The following CSMD1 variants were observed in gnomAD, a reference collection of about 807,000 sequenced individuals.
The protein encoded by CSMD1 is CUB and sushi domain-containing protein 1.
A neutral mutation model predicts 417.5 loss-of-function variants in CSMD1; 213 were observed. The ratio of observed to expected loss-of-function variants is 0.51; its 90% CI spans 0.46 to 0.57. CSMD1 has a LOEUF of 0.57. Among genes scored for constraint, CSMD1 ranks in the 20% least tolerant of loss-of-function variants. The probability of loss-of-function intolerance (pLI) is 0.00; values close to 1 mark genes in which losing one functional copy is unlikely to be tolerated. For missense variants in CSMD1, 6,923 were observed against 4,529.7 expected, an observed-to-expected ratio of 1.53 and a Z score of -15.17; for synonymous variants, 2,862 against 1,736.8, an observed-to-expected ratio of 1.65 and a Z score of -16.11.
Position 3,514,033 on chromosome 8 carries a change from A to C in CSMD1, c.1345-20307T>G, listed in dbSNP as rs1431361901. On this transcript the variant is annotated intron_variant, in intron 10 of 69. Coordinates refer to ENST00000635120, the MANE Select transcript of CSMD1 (RefSeq NM_033225.6). Reference sequence around the variant, plus strand: ...CGTACAGAAAAATAATTTTCTTATAATAGCACACAGTTCTCTTAGGAACAC... The same window carrying C: ...CGTACAGAAAAATAATTTTCTTATACTAGCACACAGTTCTCTTAGGAACAC... 3.9e-5 allele frequency among the ~76,000 whole-genome samples: 6 copies of C among 152,310 alleles called. No individual in the cohort carries two copies. The East Asian group carries it at 1.2e-3, about 29-fold the overall frequency.
At chr8:4,601,556 T>G (rs975426494) in intron 2 of CSMD1, among the ~76,000 whole-genome samples, 1 of 152,138 alleles carries the variant, frequency 6.6e-6, no homozygotes, top group African/African-American at 2.4e-5. Context: ...TGATAAAAGG[T>G]AGTATTAAGA....
chr8:3,774,213 T>G (rs1006655498), intron 5 of CSMD1, among the ~76,000 whole-genome samples: 5 of 152,298 alleles, frequency 3.3e-5, no homozygotes, highest in Admixed American at 2.0e-4. Flanking sequence ...AATTTTCTCT[T>G]ATCCAACAAC....
intron 2 of CSMD1, among the ~76,000 whole-genome samples, chr8:4,602,949 T>C (rs898030410): frequency 6.6e-6 from 1 of 151,950 alleles, no homozygotes; most frequent in Non-Finnish European, 1.5e-5. Context: ...ACTATAAAAA[T>C]AGATAAAAAA....
intron 41 of CSMD1, among the ~76,000 whole-genome samples, chr8:3,141,813 T>TC (rs1818502293): frequency 6.7e-6 from 1 of 149,836 alleles, no homozygotes; most frequent in Admixed American, 6.6e-5. Flanking sequence ...TTTTTTTTTT[T>TC]CTGAGATGGA....
intron 1 of CSMD1, among the ~76,000 whole-genome samples, chr8:4,927,417 C>T (rs1225023026): frequency 6.6e-6 from 1 of 152,078 alleles, no homozygotes; most frequent in Non-Finnish European, 1.5e-5. Flanking sequence ...CAGCAACTGT[C>T]AGTGAGGCAC....
chr8:3,926,082 TACACACACACACACACACAC>T lies in CSMD1; in HGVS notation c.818+71801_818+71820del, dbSNP rs58966907. Among the ~76,000 whole-genome samples, 282 of 103,998 alleles carry T rather than the reference TACACACACACACACACACAC, an allele frequency of 2.7e-3. 6 individuals carry two copies. Among genetic ancestry groups the T allele is most frequent in the African/African-American group, 8.4e-3 (239 of 28,344 alleles). The allele number at this position is 103,998 out of a possible 152,430, so 68.2% of individuals were successfully genotyped here. A position where few individuals can be genotyped will look rare whatever the true frequency, so the allele number is the denominator to read the frequency against. ...CACACACACACACACACAAACACCA[TACACACACACACACACACAC>T]ACACACACACACACACACACACACA... is the stretch of plus-strand genomic sequence containing the variant. On this transcript the variant is annotated intron_variant, in intron 5 of 69. Transcript: ENST00000635120.
intron 8 of CSMD1, among the ~76,000 whole-genome samples, chr8:3,590,443 G>C (rs1312927351): frequency 1.3e-5 from 2 of 152,074 alleles, no homozygotes; most frequent in African/African-American, 4.8e-5. Flanking sequence ...TTCCACCAAA[G>C]GAAAGTTTTC....
chr8:3,318,401 G>A (rs796231571), intron 23 of CSMD1, among the ~76,000 whole-genome samples: 57 of 152,288 alleles, frequency 3.7e-4, no homozygotes, highest in African/African-American at 1.3e-3. Flanking sequence ...TGAAGTGCCT[G>A]CTCGGCTTCA....
chr8:3,720,834 G>A (rs1314243511), intron 6 of CSMD1, among the ~76,000 whole-genome samples: 1 of 150,504 alleles, frequency 6.6e-6, no homozygotes, highest in African/African-American at 2.5e-5. Context: ...TTTTTTTTTC[G>A]AGAGTCTCGC....
At chr8:4,427,712 G>C (rs1436676792) in intron 2 of CSMD1, among the ~76,000 whole-genome samples, 2 of 151,982 alleles carry the variant, frequency 1.3e-5, no homozygotes, top group Admixed American at 1.3e-4. Flanking sequence ...GTTCTATTCA[G>C]CATATCACTA....
At chr8:3,490,081 CT>C (rs1368960091) in intron 11 of CSMD1, among the ~76,000 whole-genome samples, 1 of 152,172 alleles carries the variant, frequency 6.6e-6, no homozygotes, top group Non-Finnish European at 1.5e-5. Context: ...CTAAAATTAT[CT>C]GTTTATTCAA....
chr8:3,096,730 T>C lies in CSMD1; in HGVS notation c.7138+119A>G, dbSNP rs921798935. ...CAAACTAGTTTATTTTTTGTTTGCT[T>C]TGGGAAAACATAAGTTAACTCAAGA... is the stretch of plus-strand genomic sequence containing the variant. On this transcript the variant is annotated intron_variant, in intron 47 of 69. Coordinates refer to ENST00000635120, the MANE Select transcript of CSMD1 (RefSeq NM_033225.6). 3.5e-5 allele frequency: 26 copies of C among 739,892 alleles called. No individual in the cohort carries two copies. In the South Asian group the frequency reaches 3.9e-4, roughly 11 times the overall value. 45.8% of individuals were successfully genotyped at this position (739,892 alleles called of 1,614,324 possible). A position where few individuals can be genotyped will look rare whatever the true frequency, so the allele number is the denominator to read the frequency against.
At chr8:3,391,099 T>C (rs972998294) in intron 17 of CSMD1, among the ~76,000 whole-genome samples, 9 of 152,222 alleles carry the variant, frequency 5.9e-5, no homozygotes, top group South Asian at 2.1e-4. Context: ...TACCTTTGCA[T>C]TGCATCCAGT....
intron 21 of CSMD1, among the ~76,000 whole-genome samples, chr8:3,356,885 G>A (rs985777662): frequency 7.9e-5 from 12 of 152,128 alleles, no homozygotes; most frequent in African/African-American, 2.9e-4. Context: ...TGATTGCTCT[G>A]ATTAGTAGGG....
intron 25 of CSMD1, among the ~76,000 whole-genome samples, chr8:3,297,658 A>AGT (rs1252837972): frequency 6.6e-6 from 1 of 152,204 alleles, no homozygotes; most frequent in African/African-American, 2.4e-5. Context: ...ATTTATCCCC[A>AGT]GTGGAATAGA....
chr8:3,197,013 A>G (rs1488891035), intron 33 of CSMD1, among the ~76,000 whole-genome samples: 1 of 152,136 alleles, frequency 6.6e-6, no homozygotes, highest in Non-Finnish European at 1.5e-5. Context: ...ATGCTTTCCA[A>G]ATGTACCCTT....
At chr8:3,084,133 C>T (rs1207407411) in intron 49 of CSMD1, among the ~76,000 whole-genome samples, 16 of 152,086 alleles carry the variant, frequency 1.1e-4, no homozygotes, top group Admixed American at 8.5e-4. Flanking sequence ...ATGCAATTTG[C>T]CAAAGAAAAG....
chr8:3,284,555 AG>A, intron 25 of CSMD1: 1 of 566,970 alleles, frequency 1.8e-6, no homozygotes, highest in South Asian at 2.0e-5. Flanking sequence ...ACAGGACCTC[AG>A]TCTGTCATGG....
At chr8:3,794,935 A>AATGTATAGCTATAGATATATATCTATC (rs1563086661) in intron 5 of CSMD1, among the ~76,000 whole-genome samples, 6 of 151,352 alleles carry the variant, frequency 4.0e-5, no homozygotes, top group African/African-American at 1.2e-4. Flanking sequence ...CTAACCTTCT[A>AATGTATAGCTATAGATATATATCTATC]ATGTATAGCT....
Sources: gnomAD v4.1 joint callset for allele counts (sites outside exome capture counted in the v4.1 genomes callset) on GRCh38, gnomAD v4.1.1 for gene constraint, MANE v1.5 for transcripts, NCBI Gene and HGNC (gene_info 2026-07-23, HGNC 2026-07-21) for gene names.